The following CRISPLD1 variants were observed in gnomAD, a reference collection of about 807,000 sequenced individuals.
The protein encoded by CRISPLD1 is cysteine-rich secretory protein LCCL domain-containing 1.
CRISPLD1 carries 60 observed loss-of-function variants against 77.5 expected under a neutral mutation model. The observed-to-expected ratio is 0.77, with a 90% confidence interval of 0.63 to 0.96. The LOEUF is 0.96. CRISPLD1 is among the 40% of genes least tolerant of loss of function. The pLI is 0.00. For missense variants in CRISPLD1, 623 were observed against 615.8 expected, an observed-to-expected ratio of 1.01 and a Z score of -0.12; for synonymous variants, 195 against 200.1, an observed-to-expected ratio of 0.97 and a Z score of 0.22.
At chr8:74,995,463 T>C (rs1223565387) in intron 2 of CRISPLD1, among the ~76,000 whole-genome samples, 1 of 152,230 alleles carries the variant, frequency 6.6e-6, no homozygotes, top group Admixed American at 6.5e-5. Context: ...CAACATCTCC[T>C]GTGGGTCAGG....
chr8:74,996,358 T>C (rs1402613286), intron 2 of CRISPLD1, among the ~76,000 whole-genome samples: 1 of 152,198 alleles, frequency 6.6e-6, no homozygotes, highest in African/African-American at 2.4e-5. Flanking sequence ...TCAACAAATA[T>C]TGATTGAGCA....
At chr8:75,031,466 T>A (rs1323357095) in intron 14 of CRISPLD1, among the ~76,000 whole-genome samples, 1 of 152,030 alleles carries the variant, frequency 6.6e-6, no homozygotes, top group Non-Finnish European at 1.5e-5. Flanking sequence ...TTGATTTACG[T>A]TGCTAAATAA....
chr8:75,029,811 C>G (rs1813301800), intron 14 of CRISPLD1, among the ~76,000 whole-genome samples: 1 of 152,162 alleles, frequency 6.6e-6, no homozygotes, highest in Admixed American at 6.5e-5. Flanking sequence ...CTTTCATCCT[C>G]TTTTGGATTT....
chr8:74,998,883 G>A (rs1231666054), intron 2 of CRISPLD1, among the ~76,000 whole-genome samples: 1 of 151,600 alleles, frequency 6.6e-6, no homozygotes. Flanking sequence ...ATTTGACTAG[G>A]CAACATCTGG....
At chr8:75,003,879 A>G (rs1812786432) in intron 2 of CRISPLD1, among the ~76,000 whole-genome samples, 1 of 152,156 alleles carries the variant, frequency 6.6e-6, no homozygotes, top group Non-Finnish European at 1.5e-5. Flanking sequence ...CTATCCCACA[A>G]AGACAATAAG....
chr8:75,011,425 C>T (rs979022026), intron 2 of CRISPLD1, among the ~76,000 whole-genome samples: 4 of 151,922 alleles, frequency 2.6e-5, no homozygotes, highest in Non-Finnish European at 4.4e-5. Flanking sequence ...GTTGTGTCCT[C>T]AGGTTCCATT....
At chr8:75,012,608 T>C in intron 3 of CRISPLD1, 57 bp downstream of exon 3, 2 of 1,164,248 alleles carry the variant, frequency 1.7e-6, no homozygotes, top group Non-Finnish European at 1.3e-6. Context: ...AATGAAGTCC[T>C]TATTAATTCA....
In CRISPLD1 at chr8:75,029,468, A is replaced by C. The variant is rs1385268956; in HGVS notation, c.1402A>C (p.Lys468Gln). Residue 468 changes from lysine (K) to glutamine (Q), a missense_variant, in exon 14 of 15, where the codon AAA becomes CAA. Coordinates refer to ENST00000262207, the MANE Select transcript of CRISPLD1 (RefSeq NM_031461.6). ...TTATGTTGATGTAATGCCTGTGGAC[A>C]AAAGAAAGACCTACATTGCTTCTTT... The part of the protein sequence containing the change: ...GGYVDVMPVD[K>Q]RKTYIASFQN... 3 of 1,613,932 alleles carry C rather than the reference A, an allele frequency of 1.9e-6. No homozygotes were observed. The highest frequency in any genetic ancestry group is 2.5e-6 in the Non-Finnish European group (3 of 1,179,836).
At chr8:74,986,972 C>CA (rs957043038) in intron 2 of CRISPLD1, among the ~76,000 whole-genome samples, 1 of 152,070 alleles carries the variant, frequency 6.6e-6, no homozygotes, top group African/African-American at 2.4e-5. Context: ...GAAAACTTTT[C>CA]AAAAATCTAT....
chr8:75,014,822 T>C lies in CRISPLD1; in HGVS notation c.637T>C (p.Trp213Arg). 6.2e-7 allele frequency: 1 copy of C among 1,600,264 alleles called. No individual in the cohort carries two copies. Among genetic ancestry groups the C allele is most frequent in the Non-Finnish European group, 8.5e-7 (1 of 1,174,278 alleles). ...VCNYSPKGNW[W>R]GHAPYKHGRP... ...TATCATCTCTTAAAGGGGAAACTGG[T>C]GGGGCCATGCCCCTTACAAACATGG... Residue 213 changes from tryptophan to arginine, a missense_variant, in exon 6 of 15, where the codon TGG (tryptophan) becomes CGG (arginine). Transcript: ENST00000262207.
intron 10 of CRISPLD1, 142 bp from the exon 11 acceptor site, chr8:75,019,728 G>A: frequency 3.1e-6 from 2 of 640,244 alleles, no homozygotes; most frequent in East Asian, 2.7e-5. Flanking sequence ...AACTGATGAT[G>A]TATTCTTATA....
chr8:75,027,654 G>C (rs1813256609), intron 13 of CRISPLD1, among the ~76,000 whole-genome samples: 1 of 152,140 alleles, frequency 6.6e-6, no homozygotes, highest in African/African-American at 2.4e-5. Context: ...TATGAAATCA[G>C]AGATCCAATC....
chr8:75,023,073 TAAAAA>T (rs397891797), intron 12 of CRISPLD1, among the ~76,000 whole-genome samples: 2 of 112,044 alleles, frequency 1.8e-5, no homozygotes, highest in African/African-American at 3.0e-5. Context: ...AAATTGTAGG[TAAAAA>T]AAAAAAAAAA....
intron 5 of CRISPLD1, 109 bp downstream of exon 5, chr8:75,014,211 TATTTTA>T: frequency 1.4e-6 from 1 of 712,350 alleles, no homozygotes; most frequent in Non-Finnish European, 2.4e-6. Flanking sequence ...TGAAGTGTAT[TATTTTA>T]ATTCTGTTTA....
At chr8:75,020,121 CTG>C (rs772182202) in intron 12 of CRISPLD1, 42 bp downstream of exon 12, 1 of 1,492,276 alleles carries the variant, frequency 6.7e-7, no homozygotes, top group East Asian at 2.3e-5. Context: ...CCTGTGATAA[CTG>C]TTTTTGCCTG....
chr8:74,991,360 C>G (rs1344001791), intron 2 of CRISPLD1, among the ~76,000 whole-genome samples: 1 of 152,088 alleles, frequency 6.6e-6, no homozygotes, highest in Non-Finnish European at 1.5e-5. Flanking sequence ...ACTTTTCCCT[C>G]AAACCAATCT....
chr8:75,015,689 TTAA>T (rs1813015470), intron 6 of CRISPLD1, among the ~76,000 whole-genome samples: 1 of 152,152 alleles, frequency 6.6e-6, no homozygotes, highest in Admixed American at 6.6e-5. Flanking sequence ...TTTTTTTCCC[TTAA>T]TGATGCATTA....
At chr8:75,000,231 C>G in intron 2 of CRISPLD1, 1 of 985,120 alleles carries the variant, frequency 1.0e-6, no homozygotes, top group Non-Finnish European at 1.2e-6. Context: ...CAAGACGTGT[C>G]AAATCTGTAT....
At chr8:74,987,882 T>A (rs1338197162) in intron 2 of CRISPLD1, among the ~76,000 whole-genome samples, 1 of 152,252 alleles carries the variant, frequency 6.6e-6, no homozygotes, top group African/African-American at 2.4e-5. Flanking sequence ...AGAACAGTTC[T>A]GTGATTCGTT....
Sources: allele counts gnomAD v4.1 joint callset (sites outside exome capture counted in the v4.1 genomes callset), GRCh38; gene constraint gnomAD v4.1.1; transcripts MANE v1.5; gene names NCBI Gene and HGNC (gene_info 2026-07-23, HGNC 2026-07-21).